Variants in PLEKHH2 observed in about 807,000 individuals in gnomAD.
PLEKHH2 encodes the protein pleckstrin homology domain-containing family H member 2.
PLEKHH2 carries 129 observed loss-of-function variants against 187.9 expected under a neutral mutation model. The observed-to-expected ratio is 0.69, with a 90% CI of 0.59 to 0.79. The LOEUF is 0.79. PLEKHH2 is among the 30% of genes least tolerant of loss of function. The pLI, the probability that PLEKHH2 is intolerant of heterozygous loss-of-function variation, is 0.00. For missense variants in PLEKHH2, 2,076 were observed against 1,751.2 expected (o/e 1.19, Z -3.31); for synonymous variants, 686 against 605.6 (o/e 1.13, Z -1.95).
chr2:43,687,374 T>A (rs574422684), intron 3 of PLEKHH2, among the ~76,000 whole-genome samples: 5 of 152,330 alleles, frequency 3.3e-5, no homozygotes, highest in South Asian at 4.1e-4. Context: ...ATGTACCACA[T>A]TTTCTTTATC....
chr2:43,757,864 T>C (rs1351245590), intron 26 of PLEKHH2, among the ~76,000 whole-genome samples: 2 of 152,092 alleles, frequency 1.3e-5, no homozygotes, highest in African/African-American at 4.8e-5. Context: ...GAGAAAAAAA[T>C]TGGCCAATAA....
At chr2:43,675,403 A>C (rs1667697199) in intron 2 of PLEKHH2, 1 of 1,600,024 alleles carries the variant, frequency 6.2e-7, no homozygotes, top group African/African-American at 1.3e-5. Context: ...AACTGGAGGC[A>C]AGAAAACGAG....
intron 6 of PLEKHH2, among the ~76,000 whole-genome samples, chr2:43,696,309 CAA>C (rs1295455090): frequency 6.6e-6 from 1 of 151,752 alleles, no homozygotes; most frequent in Non-Finnish European, 1.5e-5. Flanking sequence ...CCCATCGCTA[CAA>C]AAAAAGTTTT....
intron 17 of PLEKHH2, among the ~76,000 whole-genome samples, chr2:43,728,633 C>G (rs1297586884): frequency 6.7e-6 from 1 of 148,322 alleles, no homozygotes; most frequent in Non-Finnish European, 1.5e-5. Context: ...GTGATCTCGG[C>G]TCACTGCAAC....
At chr2:43,735,276 A>G (rs1404935748) in intron 19 of PLEKHH2, among the ~76,000 whole-genome samples, 1 of 152,200 alleles carries the variant, frequency 6.6e-6, no homozygotes, top group African/African-American at 2.4e-5. Flanking sequence ...TTGCAACAAC[A>G]TAGATGGAAC....
intron 17 of PLEKHH2, among the ~76,000 whole-genome samples, chr2:43,727,436 AG>A (rs1247042734): frequency 2.7e-5 from 4 of 149,048 alleles, no homozygotes; most frequent in Non-Finnish European, 5.9e-5. Context: ...AAAAACAAAA[AG>A]GCAGTGTAAG....
In PLEKHH2 at chr2:43,753,699, T is replaced by G; in HGVS notation, c.3734T>G (p.Ile1245Arg). 6.3e-7 allele frequency: 1 copy of G among 1,587,330 alleles called. No homozygotes were observed. The highest frequency in any genetic ancestry group is 8.5e-7 in the Non-Finnish European group (1 of 1,170,438). Residue 1245 changes from isoleucine to arginine, a missense_variant, in exon 25 of 30, where the codon ATA becomes AGA. Ile to Arg is a moderately conservative substitution (Grantham distance 97). Transcript: ENST00000282406. ...ATGTATCAGACAAATGATCAAATCA[T>G]AAATGGACTTTTTCCTCTGAACAAA... ...LLMYQTNDQI[I>R]NGLFPLNKDL...
At chr2:43,685,628 G>A (rs1326367245) in intron 3 of PLEKHH2, among the ~76,000 whole-genome samples, 2 of 138,120 alleles carry the variant, frequency 1.4e-5, no homozygotes, top group East Asian at 2.0e-4. Context: ...TTTTTGTAGA[G>A]ACGATGTCTC....
At chr2:43,761,327 T>A (rs139923669) in intron 27 of PLEKHH2, among the ~76,000 whole-genome samples, 3 of 152,106 alleles carry the variant, frequency 2.0e-5, no homozygotes, top group Non-Finnish European at 4.4e-5. Flanking sequence ...TGGGTTTCAG[T>A]TGGGTTCTAG....
rs1194598617 is a variant in PLEKHH2, at chr2:43,678,869, C to G, written c.130C>G (p.Gln44Glu). 3 of 1,601,750 alleles carry G rather than the reference C, an allele frequency of 1.9e-6. No individual in the cohort carries two copies. Among genetic ancestry groups the G allele is most frequent in the Admixed American group, 3.3e-5 (2 of 59,870 alleles). Residue 44 changes from glutamine (Q) to glutamate (E), a missense_variant, in exon 3 of 30, where the codon CAG (glutamine) becomes GAG (glutamate). By Grantham distance (29) the Gln-to-Glu change is conservative. Transcript: ENST00000282406. ...ATTTTCCCTCACTCTACAGATGCAA[C>G]AGCTTGAGAGACAAGTTATTGATGC... The part of the protein sequence containing the change: ...IRELLAEKMQ[Q>E]LERQVIDAER...
intron 2 of PLEKHH2, chr2:43,658,784 T>A (rs986072654): frequency 3.9e-5 from 6 of 152,148 alleles, no homozygotes; most frequent in African/African-American, 1.4e-4. Flanking sequence ...TCATACTTCA[T>A]CATTTCCACA....
intron 8 of PLEKHH2, among the ~76,000 whole-genome samples, chr2:43,701,821 G>A (rs1669384749): frequency 7.0e-6 from 1 of 143,722 alleles, no homozygotes; most frequent in Non-Finnish European, 1.5e-5. Flanking sequence ...GGGCTAGAGT[G>A]CAATGGCGCC....
At chr2:43,687,315 G>C (rs1406516129) in intron 3 of PLEKHH2, among the ~76,000 whole-genome samples, 1 of 152,164 alleles carries the variant, frequency 6.6e-6, no homozygotes, top group African/African-American at 2.4e-5. Context: ...TTGCTACAAA[G>C]GACATGATCT....
chr2:43,706,750 G>A (rs1204191333), intron 10 of PLEKHH2, among the ~76,000 whole-genome samples: 1 of 152,082 alleles, frequency 6.6e-6, no homozygotes, highest in South Asian at 2.1e-4. Flanking sequence ...CAGTGCCAGG[G>A]TACCCCTTCC....
intron 1 of PLEKHH2, among the ~76,000 whole-genome samples, chr2:43,638,435 G>A (rs1267926711): frequency 6.6e-6 from 1 of 152,110 alleles, no homozygotes; most frequent in Admixed American, 6.5e-5. Flanking sequence ...TTGGGATTTG[G>A]AAGAGAAACA....
intron 2 of PLEKHH2, chr2:43,676,020 G>C: frequency 6.2e-7 from 1 of 1,613,932 alleles, no homozygotes; most frequent in Non-Finnish European, 8.5e-7. Flanking sequence ...TTTTAGTATC[G>C]TAGAGCTCTG....
At position 43,744,866 on chromosome 2, in the gene PLEKHH2, AC is replaced by A. The variant is rs1234903064; in HGVS notation, c.3555+878del. Among the ~76,000 whole-genome samples, 475 of 139,260 alleles carry A rather than the reference AC, an allele frequency of 3.4e-3. 1 individual carries two copies. Among genetic ancestry groups the A allele is most frequent in the Non-Finnish European group, 4.8e-3 (309 of 64,584 alleles). The allele number at this position is 139,260 out of a possible 152,430, so 91.4% of individuals were successfully genotyped here. ...CTGGGTGACAGAGCAAGACTGTCTC[AC>A]AAAAAAAAAAAAAAAAAAAAGAAAA... On this transcript the variant is annotated intron_variant, in intron 23 of 29. Coordinates refer to ENST00000282406, the MANE Select transcript of PLEKHH2 (RefSeq NM_172069.4).
chr2:43,711,488 T>C (rs1669963748), intron 14 of PLEKHH2: 1 of 954,282 alleles, frequency 1.0e-6, no homozygotes, highest in African/African-American at 1.8e-5. Context: ...CAAGATCTTC[T>C]TATTTTATTT....
At chr2:43,685,966 A>T (rs986775536) in intron 3 of PLEKHH2, among the ~76,000 whole-genome samples, 1 of 152,100 alleles carries the variant, frequency 6.6e-6, no homozygotes, top group Non-Finnish European at 1.5e-5. Flanking sequence ...TCCCCTATAA[A>T]AGTATGTGTC....
Sources: gnomAD v4.1 joint callset for allele counts (sites outside exome capture counted in the v4.1 genomes callset) on GRCh38, gnomAD v4.1.1 for gene constraint, MANE v1.5 for transcripts, NCBI Gene and HGNC (gene_info 2026-07-23, HGNC 2026-07-21) for gene names.